The following HIVEP3 variants were observed in gnomAD, a reference collection of about 807,000 sequenced individuals.
HIVEP3 encodes the protein transcription factor HIVEP3.
HIVEP3 carries 49 observed loss-of-function variants against 152.8 expected under a neutral mutation model. The observed-to-expected ratio is 0.32, with a 90% CI of 0.26 to 0.41. The LOEUF (loss-of-function observed/expected upper bound fraction) is 0.41, where lower values mean the gene tolerates loss of function less well. Ranked by LOEUF, HIVEP3 falls within the 10% of genes least tolerant of loss-of-function variation. The pLI, the probability that HIVEP3 is intolerant of heterozygous loss-of-function variation, is 1.00. For synonymous variants in HIVEP3, 1,269 were observed against 1,289.0 expected (o/e 0.98, Z 0.33); for missense variants, 2,790 against 3,103.3 (o/e 0.90, Z 2.40).
chr1:41,572,916 T>C (rs1172950464), intron 5 of HIVEP3, among the ~76,000 whole-genome samples: 1 of 152,218 alleles, frequency 6.6e-6, no homozygotes, highest in African/African-American at 2.4e-5. Flanking sequence ...CTACCAAATA[T>C]TTCAGGTTCT....
At chr1:41,591,498 T>C (rs772597914) in intron 3 of HIVEP3, among the ~76,000 whole-genome samples, 2 of 152,064 alleles carry the variant, frequency 1.3e-5, no homozygotes, top group South Asian at 4.2e-4. Context: ...ACTTTTCAGA[T>C]TGAAGGCTTC....
At chr1:41,970,707 A>G (rs921821229) in intron 1 of HIVEP3, among the ~76,000 whole-genome samples, 1 of 152,250 alleles carries the variant, frequency 6.6e-6, no homozygotes, top group African/African-American at 2.4e-5. Context: ...AAATAAAATT[A>G]AATGGAAGAT....
intron 1 of HIVEP3, among the ~76,000 whole-genome samples, chr1:41,722,627 G>A (rs1337798993): frequency 6.7e-6 from 1 of 149,066 alleles, no homozygotes; most frequent in African/African-American, 2.5e-5. Context: ...CATTGTATGT[G>A]GCAGGTGCAA....
chr1:41,600,345 A>G (rs2149123709), intron 3 of HIVEP3, among the ~76,000 whole-genome samples: 1 of 152,346 alleles, frequency 6.6e-6, no homozygotes, highest in Admixed American at 6.5e-5. Context: ...AATGGATAAA[A>G]AATTCATTCA....
chr1:41,794,521 T>G (rs974125725), intron 1 of HIVEP3, among the ~76,000 whole-genome samples: 2 of 152,210 alleles, frequency 1.3e-5, no homozygotes, highest in Non-Finnish European at 1.5e-5. Context: ...TTTGGATATT[T>G]GAAGCAATTT....
At chr1:41,548,701 A>AT (rs892594313) in intron 5 of HIVEP3, among the ~76,000 whole-genome samples, 9 of 151,768 alleles carry the variant, frequency 5.9e-5, no homozygotes, top group African/African-American at 9.7e-5. Flanking sequence ...ATGCTGGCCA[A>AT]TTTTTTGTAT....
At position 41,575,921 on chromosome 1, in the gene HIVEP3, A is replaced by T. The variant is rs552629821; in HGVS notation, c.5062-232T>A. 2.3e-4 allele frequency among the ~76,000 whole-genome samples: 35 copies of T among 152,180 alleles called. No individual in the cohort carries two copies. In the South Asian group the frequency reaches 7.3e-3, roughly 32 times the overall value. ...GCCATTAGTTGGTGTTACAGCTGGA[A>T]CCCTGTCTCTTTCATGTTAACCTCC... On this transcript the variant is annotated intron_variant, in intron 4 of 8. Coordinates refer to ENST00000372583, the MANE Select transcript of HIVEP3 (RefSeq NM_024503.5).
At chr1:41,788,634 A>C (rs531024058) in intron 1 of HIVEP3, among the ~76,000 whole-genome samples, 120 of 152,372 alleles carry the variant, frequency 7.9e-4, no homozygotes, top group African/African-American at 2.7e-3. Flanking sequence ...GTCCTGGGAC[A>C]TGGTCCAGGT....
At chr1:41,776,488 T>C (rs349430) in intron 1 of HIVEP3, among the ~76,000 whole-genome samples, 125,580 of 152,206 alleles carry the variant, frequency 0.83, 52,233 homozygotes, top group African/African-American at 0.92. Context: ...CCGTGGGACA[T>C]CTCGGTCTGT....
intron 1 of HIVEP3, among the ~76,000 whole-genome samples, chr1:41,702,464 A>C (rs1646377501): frequency 6.6e-6 from 1 of 152,164 alleles, no homozygotes; most frequent in South Asian, 2.1e-4. Flanking sequence ...AAGTTATTTA[A>C]CCTCTCTGAA....
intron 1 of HIVEP3, among the ~76,000 whole-genome samples, chr1:41,782,819 C>T (rs1247747151): frequency 6.6e-6 from 1 of 151,588 alleles, no homozygotes; most frequent in African/African-American, 2.4e-5. Flanking sequence ...GAGTTTAAGA[C>T]CACAATATAA....
At chr1:41,526,888 C>T (rs1207278676) in intron 5 of HIVEP3, among the ~76,000 whole-genome samples, 1 of 143,978 alleles carries the variant, frequency 6.9e-6, no homozygotes, top group Admixed American at 7.4e-5. Flanking sequence ...CAAGCTCACT[C>T]TCACACTAAA....
chr1:41,920,602 T>A (rs572830115), upstream of HIVEP3, among the ~76,000 whole-genome samples: 2 of 151,822 alleles, frequency 1.3e-5, no homozygotes, highest in African/African-American at 4.8e-5. Flanking sequence ...TTTTGTTTTT[T>A]ACCCCAGGAG....
intron 5 of HIVEP3, among the ~76,000 whole-genome samples, chr1:41,547,927 A>C (rs979691191): frequency 6.6e-6 from 1 of 150,534 alleles, no homozygotes; most frequent in Non-Finnish European, 1.5e-5. Flanking sequence ...GCCATCCCCC[A>C]CTCCAGCCTC....
chr1:41,946,179 G>C (rs1349152859), intron 1 of HIVEP3, among the ~76,000 whole-genome samples: 1 of 152,202 alleles, frequency 6.6e-6, no homozygotes, highest in African/African-American at 2.4e-5. Flanking sequence ...TGTCCAAGTA[G>C]AAATAAGCCG....
chr1:41,537,813 G>A (rs1452807177), intron 5 of HIVEP3, among the ~76,000 whole-genome samples: 1 of 152,186 alleles, frequency 6.6e-6, no homozygotes, highest in Non-Finnish European at 1.5e-5. Context: ...GCCATTAGGT[G>A]CACCCTCAGG....
At chr1:41,579,387 C>T (rs1221966949) in intron 4 of HIVEP3, among the ~76,000 whole-genome samples, 5 of 152,234 alleles carry the variant, frequency 3.3e-5, no homozygotes, top group East Asian at 1.9e-4. Flanking sequence ...AAAATTGCTA[C>T]AGGCATTCCT....
At chr1:41,527,043 C>G (rs1303521717) in intron 5 of HIVEP3, among the ~76,000 whole-genome samples, 3 of 98,070 alleles carry the variant, frequency 3.1e-5, no homozygotes, top group Non-Finnish European at 4.4e-5. Context: ...CCCTCACACA[C>G]CCTCTTCCTC....
At chr1:41,951,529 G>A (rs1645107267) in intron 1 of HIVEP3, among the ~76,000 whole-genome samples, 1 of 152,172 alleles carries the variant, frequency 6.6e-6, no homozygotes, top group South Asian at 2.1e-4. Context: ...TCTACAAACT[G>A]TAAACTTACT....
Sources: allele counts gnomAD v4.1 joint callset (sites outside exome capture counted in the v4.1 genomes callset), GRCh38; gene constraint gnomAD v4.1.1; transcripts MANE v1.5; gene names NCBI Gene and HGNC (gene_info 2026-07-23, HGNC 2026-07-21).